The following PDE4C variants were observed in gnomAD, a reference collection of about 807,000 sequenced individuals.
PDE4C encodes the protein phosphodiesterase 4C.
In PDE4C, 50 loss-of-function variants were observed where a neutral mutation model predicts 63.9. That is an observed-to-expected ratio of 0.78 (90% CI 0.62 to 0.99). The LOEUF (loss-of-function observed/expected upper bound fraction) is 0.99. Ranked by LOEUF, PDE4C falls within the 50% of genes least tolerant of loss-of-function variation. The pLI, the probability that PDE4C is intolerant of heterozygous loss-of-function variation, is 0.00. For synonymous variants in PDE4C, 377 were observed against 385.1 expected (o/e 0.98, Z 0.25); for missense variants, 777 against 899.1 (o/e 0.86, Z 1.74).
exon 2 of PDE4C, chr19:18,222,261 C>G: frequency 3.1e-6 from 5 of 1,614,018 alleles, no homozygotes; most frequent in Non-Finnish European, 3.4e-6. Context: ...CCGGCCCAGG[C>G]CAGGGCTGGA....
upstream of PDE4C, chr19:18,252,043 C>G (rs1395602658): frequency 2.5e-6 from 1 of 398,662 alleles, no homozygotes; most frequent in African/African-American, 2.1e-5. Flanking sequence ...CCTACAAACA[C>G]CCAAATCTCT....
chr19:18,233,468 C>A, exon 1 of PDE4C: 2 of 676,080 alleles, frequency 3.0e-6, no homozygotes, highest in Non-Finnish European at 5.4e-6. Flanking sequence ...AAGAGACCCC[C>A]CCCCAACACA....
intron 1 of PDE4C, among the ~76,000 whole-genome samples, chr19:18,241,835 CCATGGCG>C (rs1969046410): frequency 6.6e-6 from 1 of 152,210 alleles, no homozygotes; most frequent in Admixed American, 6.6e-5. Flanking sequence ...CAGGCTTGAG[CCATGGCG>C]CTGGGCTTGT....
chr19:18,213,527 C>A lies in PDE4C; in HGVS notation c.1390-37G>T, dbSNP rs551822582. ...CAAGGGAAGGTGACAGGCGCGAGGACCCTGCCCACCCCAACCCTCACTCCC... is the reference window on the plus strand; with the variant it reads ...CAAGGGAAGGTGACAGGCGCGAGGAACCTGCCCACCCCAACCCTCACTCCC... On this transcript the variant is annotated intron_variant, in intron 12 of 14. Coordinates refer to ENST00000262805, the Ensembl canonical transcript of PDE4C. 1.2e-4 allele frequency: 185 copies of A among 1,589,536 alleles called. No homozygotes were observed. The South Asian group carries it at 1.9e-3, about 16-fold the overall frequency.
chr19:18,239,071 T>C (rs1306517143), intron 1 of PDE4C, among the ~76,000 whole-genome samples: 1 of 152,132 alleles, frequency 6.6e-6, no homozygotes, highest in South Asian at 2.1e-4. Context: ...TGGCTAACAT[T>C]TTCTGCACAA....
At chr19:18,228,116 CA>C (rs1365399002), upstream of PDE4C, among the ~76,000 whole-genome samples, 1 of 152,018 alleles carries the variant, frequency 6.6e-6, no homozygotes, top group Admixed American at 6.6e-5. Flanking sequence ...CTAGGGGACA[CA>C]TGCTGCTAGG....
At chr19:18,214,948 CAA>C (rs34534126) in intron 12 of PDE4C, among the ~76,000 whole-genome samples, 89 of 102,290 alleles carry the variant, frequency 8.7e-4, no homozygotes, top group East Asian at 1.1e-3. Flanking sequence ...GACTCCATTT[CAA>C]AAAAAAAAAA....
rs183932899 is a variant in PDE4C, at chr19:18,240,774, A to C, written c.-209-7374T>G. ...GTCCAAGACCATGCTGCTAATCAGG[A>C]CCAGAGCCAGGGCAAAGTGGGGTGG... On this transcript the variant is annotated intron_variant, in intron 1 of 15. Coordinates refer to the PDE4C transcript ENST00000594617. 2.0e-3 allele frequency among the ~76,000 whole-genome samples: 299 copies of C among 152,310 alleles called. 1 individual carries two copies. Among genetic ancestry groups the C allele is most frequent in the Non-Finnish European group, 3.1e-3 (214 of 68,020 alleles).
At chr19:18,229,101 A>AAT (rs1321063170), upstream of PDE4C, among the ~76,000 whole-genome samples, 2 of 86,374 alleles carry the variant, frequency 2.3e-5, no homozygotes, top group East Asian at 7.8e-4. Flanking sequence ...ATGCCAAGCT[A>AAT]ATTTTTTTTT....
chr19:18,235,940 TTTTG>T (rs550894161), upstream of PDE4C, among the ~76,000 whole-genome samples: 52 of 151,818 alleles, frequency 3.4e-4, no homozygotes, highest in Non-Finnish European at 6.6e-4. Context: ...TTTTACTGTT[TTTTG>T]TTTGTTTGTT....
chr19:18,230,572 C>A (rs1423532789), upstream of PDE4C, among the ~76,000 whole-genome samples: 1 of 152,212 alleles, frequency 6.6e-6, no homozygotes, highest in Admixed American at 6.5e-5. Context: ...TCAAGCCACA[C>A]TGATCCATTT....
chr19:18,249,594 G>T (rs1211104271), upstream of PDE4C, among the ~76,000 whole-genome samples: 1 of 125,868 alleles, frequency 7.9e-6, no homozygotes, highest in Non-Finnish European at 1.6e-5. Context: ...TTTTTTTTGA[G>T]ATGGAGTCTT....
In PDE4C at chr19:18,222,578, C is replaced by T. The variant is rs1342184798; in HGVS notation, c.147-255G>A. 2.0e-5 allele frequency among the ~76,000 whole-genome samples: 3 copies of T among 151,152 alleles called. No homozygotes were observed. In the East Asian group the frequency reaches 5.8e-4, roughly 29 times the overall value. ...GTGGCTATGTGGCCATGGACAGGTACTGACTTTCTCTGGACCTCAATCACC... is the reference window on the plus strand; with the variant it reads ...GTGGCTATGTGGCCATGGACAGGTATTGACTTTCTCTGGACCTCAATCACC... On this transcript the variant is annotated intron_variant, in intron 1 of 14. Transcript: ENST00000262805.
the PDE4C span, chr19:18,255,314 G>A: frequency 1.8e-5 from 7 of 398,918 alleles, no homozygotes; most frequent in Non-Finnish European, 2.7e-5. The surrounding 1 kb of genome is among the most constrained non-coding windows in gnomAD (Gnocchi z 4.6). Flanking sequence ...CCATTCCTGC[G>A]CCGGGAGGGC....
chr19:18,253,204 A>C, the PDE4C span, among the ~76,000 whole-genome samples: 1 of 151,962 alleles, frequency 6.6e-6, no homozygotes, highest in Non-Finnish European at 1.5e-5. Context: ...GTTCATGTGG[A>C]GTTGGTGCCT....
chr19:18,219,222 T>C lies in PDE4C; in HGVS notation c.870+12A>G, dbSNP rs143848421. ...CCAAACCTTGATCTTGGCATTGTGG[T>C]TGGGGACCCACCTTGGCCAGTTGCT... is the stretch of plus-strand genomic sequence containing the variant. On this transcript the variant is annotated intron_variant, in intron 8 of 14. Transcript: ENST00000262805. 76 of 1,614,002 alleles carry C rather than the reference T, an allele frequency of 4.7e-5. No homozygotes were observed. The East Asian group carries it at 1.5e-3, about 33-fold the overall frequency.
intron 11 of PDE4C, chr19:18,217,158 G>GT (rs11459367): frequency 0.3 from 77,860 of 259,794 alleles, 7,135 homozygotes; most frequent in Non-Finnish European, 0.33. Context: ...ACTCAGTAAT[G>GT]TTTTTTTTTT....
In PDE4C at chr19:18,211,689, G is replaced by A. The variant is rs531367519; in HGVS notation, c.1695+70C>T. 67 of 1,559,958 alleles carry A rather than the reference G, an allele frequency of 4.3e-5. 1 individual carries two copies. In the South Asian group the frequency reaches 6.1e-4, roughly 14 times the overall value. On this transcript the variant is annotated intron_variant, in intron 14 of 14. Transcript: ENST00000262805. ...GCCAGCCAGGGCCAAACCAGGGCTC[G>A]TGGGGTTGGCTCAGCCCCTCCTTTT... is the stretch of plus-strand genomic sequence containing the variant.
At chr19:18,223,800 T>G (rs867463127) in intron 1 of PDE4C, among the ~76,000 whole-genome samples, 6 of 152,152 alleles carry the variant, frequency 3.9e-5, no homozygotes, top group African/African-American at 1.4e-4. Flanking sequence ...GGAAACAGCT[T>G]CTTGGGCTCT....
Sources: gnomAD v4.1 joint callset for allele counts (sites outside exome capture counted in the v4.1 genomes callset) on GRCh38, gnomAD v4.1.1 for gene constraint, Gnocchi (gnomAD v3.1) non-coding constraint, MANE v1.5 for transcripts, NCBI Gene and HGNC (gene_info 2026-07-23, HGNC 2026-07-21) for gene names.